The following PPARGC1A variants were observed in gnomAD, a reference collection of about 807,000 sequenced individuals.
PPARGC1A encodes the protein peroxisome proliferator-activated receptor gamma coactivator 1-alpha.
PPARGC1A carries 25 observed loss-of-function variants against 88.7 expected under a neutral mutation model. The ratio of observed to expected loss-of-function variants is 0.28; its 90% CI spans 0.21 to 0.39. The LOEUF (loss-of-function observed/expected upper bound fraction) is 0.39. Ranked by LOEUF, PPARGC1A falls within the 10% of genes least tolerant of loss-of-function variation. The pLI, the probability that PPARGC1A is intolerant of heterozygous loss-of-function variation, is 1.00. For missense variants in PPARGC1A, 880 were observed against 968.7 expected, an observed-to-expected ratio of 0.91 and a Z score of 1.22; for synonymous variants, 363 against 355.6, an observed-to-expected ratio of 1.02 and a Z score of -0.24.
At position 23,851,448 on chromosome 4, in the gene PPARGC1A, C is replaced by T. The variant is rs1577509809; in HGVS notation, c.235-19697G>A. On this transcript the variant is annotated intron_variant, in intron 2 of 12. Coordinates refer to ENST00000264867, the MANE Select transcript of PPARGC1A (RefSeq NM_013261.5). Reference sequence around the variant, plus strand: ...TGAAACCACAGAATCTTAGGAAATGCAGTCGATTTCATAGAGTATCAAAGG... The same window carrying T: ...TGAAACCACAGAATCTTAGGAAATGTAGTCGATTTCATAGAGTATCAAAGG... 5.3e-5 allele frequency among the ~76,000 whole-genome samples: 8 copies of T among 152,260 alleles called. 1 individual carries two copies. In the South Asian group the frequency reaches 1.7e-3, roughly 32 times the overall value.
the PPARGC1A span, among the ~76,000 whole-genome samples, chr4:24,417,038 A>T: frequency 6.6e-6 from 1 of 151,934 alleles, no homozygotes; most frequent in Non-Finnish European, 1.5e-5. Flanking sequence ...TCAAAAAAAA[A>T]AAAAAGGGAA....
the PPARGC1A span, among the ~76,000 whole-genome samples, chr4:24,453,772 C>T: frequency 6.6e-6 from 1 of 151,610 alleles, no homozygotes; most frequent in African/African-American, 2.4e-5. Context: ...AAGAGTGAAA[C>T]TCTGTCTCAA....
At chr4:23,822,933 G>T (rs1216533614) in intron 7 of PPARGC1A, among the ~76,000 whole-genome samples, 2 of 151,908 alleles carry the variant, frequency 1.3e-5, no homozygotes, top group East Asian at 1.9e-4. Flanking sequence ...CTGCTTTCTG[G>T]GCCTACCTTT....
chr4:24,349,742 G>A, the PPARGC1A span, among the ~76,000 whole-genome samples: 1 of 152,204 alleles, frequency 6.6e-6, no homozygotes, highest in South Asian at 2.1e-4. Flanking sequence ...AACTGCGAGA[G>A]AAAAGGGCTT....
rs750089025 is a variant in PPARGC1A at position 23,813,965 on chromosome 4, G to A, written c.1518C>T (p.Ala506=). 1.9e-5 allele frequency: 31 copies of A among 1,613,946 alleles called. No individual in the cohort carries two copies. The highest frequency in any genetic ancestry group is 4.0e-5 in the African/African-American group (3 of 74,910). Residue 506 remains alanine, a synonymous_variant, in exon 8 of 13, where the codon GCC becomes GCT. Transcript: ENST00000264867. The part of the protein sequence containing the change: ...KLPMFINSGL[A]MDGLFDDSED... The stretch of plus-strand genomic sequence containing the variant: ...CGCTGTCATCAAACAGGCCATCCAT[G>A]GCTAGTCCTGAATTTATAAACATAG...
the PPARGC1A span, among the ~76,000 whole-genome samples, chr4:24,254,801 T>C: frequency 3.3e-5 from 5 of 152,230 alleles, no homozygotes; most frequent in African/African-American, 1.2e-4. Flanking sequence ...AATTATCTCA[T>C]TGTATTAACA....
the PPARGC1A span, among the ~76,000 whole-genome samples, chr4:23,943,637 A>G: frequency 6.7e-4 from 102 of 152,176 alleles, no homozygotes; most frequent in African/African-American, 2.3e-3. Flanking sequence ...TAACTCCTCA[A>G]CCCTTAAGTG....
the PPARGC1A span, among the ~76,000 whole-genome samples, chr4:23,920,490 T>G: frequency 2.0e-5 from 3 of 152,212 alleles, no homozygotes; most frequent in Non-Finnish European, 4.4e-5. Flanking sequence ...GAAAACTCTA[T>G]GTGGCCAGCA....
the PPARGC1A span, among the ~76,000 whole-genome samples, chr4:24,463,199 T>A: frequency 1.3e-5 from 2 of 152,230 alleles, no homozygotes; most frequent in Non-Finnish European, 2.9e-5. Context: ...GTTGAACATA[T>A]TTCTTTGCAT....
intron 10 of PPARGC1A, among the ~76,000 whole-genome samples, chr4:23,811,793 G>A (rs1193721431): frequency 6.6e-6 from 1 of 150,890 alleles, no homozygotes; most frequent in Non-Finnish European, 1.5e-5. Flanking sequence ...GGTAAGTGGT[G>A]CTGAAATCCA....
intron 1 of PPARGC1A, chr4:23,888,941 A>G (rs923327464): frequency 3.0e-6 from 3 of 985,126 alleles, no homozygotes; most frequent in African/African-American, 3.5e-5. Context: ...CCATCTCACC[A>G]GAGTCCACAG....
chr4:24,162,995 A>C, the PPARGC1A span, among the ~76,000 whole-genome samples: 1 of 151,908 alleles, frequency 6.6e-6, no homozygotes, highest in Non-Finnish European at 1.5e-5. Context: ...AGGAAAACAA[A>C]CACCAAGTAT....
At chr4:24,322,997 C>G in the PPARGC1A span, among the ~76,000 whole-genome samples, 3 of 152,280 alleles carry the variant, frequency 2.0e-5, no homozygotes, top group East Asian at 5.8e-4. Context: ...ATCACATCAT[C>G]CATCATCAAA....
chr4:24,375,342 A>G, the PPARGC1A span, among the ~76,000 whole-genome samples: 2 of 152,292 alleles, frequency 1.3e-5, no homozygotes, highest in Non-Finnish European at 2.9e-5. Context: ...ATCGGCCACC[A>G]TTTGGATTCA....
the PPARGC1A span, among the ~76,000 whole-genome samples, chr4:24,305,133 G>GTATATATA: frequency 0.031 from 4,422 of 142,786 alleles, 123 homozygotes; most frequent in East Asian, 0.12. Context: ...ATATGTGTAT[G>GTATATATA]TATATATATA....
At chr4:23,903,504 A>G (rs564659067), upstream of PPARGC1A, among the ~76,000 whole-genome samples, 19 of 152,318 alleles carry the variant, frequency 1.2e-4, no homozygotes, top group African/African-American at 4.3e-4. Context: ...TGAGAGCATC[A>G]TATTTCTGGA....
chr4:23,903,031 A>G (rs1265560056), upstream of PPARGC1A, among the ~76,000 whole-genome samples: 3 of 152,206 alleles, frequency 2.0e-5, no homozygotes, highest in African/African-American at 4.8e-5. Flanking sequence ...AGTTCAGTTC[A>G]TGTTAAGGAG....
chr4:24,342,241 G>A, the PPARGC1A span, among the ~76,000 whole-genome samples: 3 of 152,108 alleles, frequency 2.0e-5, no homozygotes, highest in Non-Finnish European at 4.4e-5. Flanking sequence ...GCCAGGTAGT[G>A]TCCAAAGCAC....
At chr4:24,064,216 ACTGGG>A in the PPARGC1A span, among the ~76,000 whole-genome samples, 1 of 152,198 alleles carries the variant, frequency 6.6e-6, no homozygotes, top group Non-Finnish European at 1.5e-5. Flanking sequence ...AAAAAAAACA[ACTGGG>A]AAGAACAATC....
Sources: gnomAD v4.1 joint callset for allele counts (sites outside exome capture counted in the v4.1 genomes callset) on GRCh38, gnomAD v4.1.1 for gene constraint, MANE v1.5 for transcripts, NCBI Gene and HGNC (gene_info 2026-07-23, HGNC 2026-07-21) for gene names.